NELL1: variants seen among roughly 807,000 people sequenced by gnomAD.
The protein encoded by NELL1 is protein kinase C-binding protein NELL1.
NELL1 carries 76 observed loss-of-function variants against 107.4 expected under a neutral mutation model. That is an observed-to-expected ratio of 0.71 (90% CI 0.59 to 0.86). The LOEUF is 0.86. NELL1 is among the 40% of genes least tolerant of loss of function. The pLI is 0.00. For synonymous variants in NELL1, 353 were observed against 341.2 expected, an observed-to-expected ratio of 1.03 and a Z score of -0.38; for missense variants, 1,024 against 1,005.5, an observed-to-expected ratio of 1.02 and a Z score of -0.25.
At chr11:20,815,686 T>C (rs1857609229) in intron 3 of NELL1, among the ~76,000 whole-genome samples, 2 of 152,326 alleles carry the variant, frequency 1.3e-5, no homozygotes, top group African/African-American at 4.8e-5. Context: ...TTTTTGTTTT[T>C]GTTACAATTG....
chr11:20,709,129 G>A (rs188933456), intron 2 of NELL1, among the ~76,000 whole-genome samples: 2 of 152,130 alleles, frequency 1.3e-5, no homozygotes, highest in East Asian at 1.9e-4. Context: ...CCCTTGTCTC[G>A]AAGAGTTTTT....
At chr11:21,110,099 T>A (rs910280299) in intron 12 of NELL1, among the ~76,000 whole-genome samples, 2 of 152,152 alleles carry the variant, frequency 1.3e-5, no homozygotes, top group African/African-American at 2.4e-5. Context: ...AGCTTTTATA[T>A]CTGGTGGTTA....
chr11:21,332,016 C>A (rs920608103), intron 14 of NELL1, among the ~76,000 whole-genome samples: 5 of 151,696 alleles, frequency 3.3e-5, no homozygotes, highest in African/African-American at 1.2e-4. Context: ...ATAGACTTTA[C>A]CCTAGGGCTC....
intron 15 of NELL1, among the ~76,000 whole-genome samples, chr11:21,508,046 A>T (rs9804568): frequency 1.3e-5 from 2 of 151,934 alleles, no homozygotes; most frequent in South Asian, 2.1e-4. Context: ...AGCCTCCCAA[A>T]GTGCTGGGAT....
intron 14 of NELL1, among the ~76,000 whole-genome samples, chr11:21,244,113 T>A (rs1157723437): frequency 6.6e-6 from 1 of 152,026 alleles, no homozygotes; most frequent in African/African-American, 2.4e-5. Context: ...CACCATAAAG[T>A]CAGATATTGA....
chr11:21,021,742 C>T (rs1157812452), intron 12 of NELL1, among the ~76,000 whole-genome samples: 1 of 152,014 alleles, frequency 6.6e-6, no homozygotes, highest in Non-Finnish European at 1.5e-5. Context: ...ATTAAACTAT[C>T]AAAATAATGT....
intron 14 of NELL1, among the ~76,000 whole-genome samples, chr11:21,298,581 T>C (rs1448082145): frequency 6.6e-6 from 1 of 151,962 alleles, no homozygotes; most frequent in East Asian, 1.9e-4. Context: ...CCCTCCTTAG[T>C]CAGCCTTCCT....
At chr11:21,294,891 A>G (rs991422161) in intron 14 of NELL1, among the ~76,000 whole-genome samples, 4 of 152,120 alleles carry the variant, frequency 2.6e-5, no homozygotes, top group Non-Finnish European at 5.9e-5. Flanking sequence ...AAGAAATGTA[A>G]AGAAAGCTCA....
intron 12 of NELL1, among the ~76,000 whole-genome samples, chr11:21,101,649 G>A (rs1441879913): frequency 6.6e-6 from 1 of 152,112 alleles, no homozygotes; most frequent in Non-Finnish European, 1.5e-5. Flanking sequence ...TTTGAGAAGT[G>A]TCTGTTCATA....
Position 21,337,568 on chromosome 11 carries a change from T to A in NELL1, c.1550-33285T>A, listed in dbSNP as rs193293909. On this transcript the variant is annotated intron_variant, in intron 14 of 19. Coordinates refer to ENST00000357134, the MANE Select transcript of NELL1 (RefSeq NM_006157.5). ...TCACTTCTGCTCATAGCCCATTGGCTAGAATTAGTCACATGGCCCAGGCCA... is the reference window on the plus strand; with the variant it reads ...TCACTTCTGCTCATAGCCCATTGGCAAGAATTAGTCACATGGCCCAGGCCA... 4.7e-3 allele frequency among the ~76,000 whole-genome samples: 718 copies of A among 152,336 alleles called. 3 individuals carry two copies. Among genetic ancestry groups the A allele is most frequent in the Non-Finnish European group, 7.5e-3 (513 of 68,030 alleles).
At chr11:20,894,809 A>C (rs879388736) in intron 5 of NELL1, among the ~76,000 whole-genome samples, 2 of 152,222 alleles carry the variant, frequency 1.3e-5, no homozygotes, top group African/African-American at 2.4e-5. Flanking sequence ...ATACACTAAA[A>C]GGCATGCACA....
intron 15 of NELL1, among the ~76,000 whole-genome samples, chr11:21,402,340 A>G (rs73473032): frequency 0.022 from 3,315 of 151,922 alleles, 81 homozygotes; most frequent in East Asian, 0.048. Flanking sequence ...TCTGTAGGAA[A>G]ACATTGAAGA....
intron 15 of NELL1, among the ~76,000 whole-genome samples, chr11:21,482,472 C>T (rs1406514408): frequency 6.6e-6 from 1 of 152,182 alleles, no homozygotes; most frequent in African/African-American, 2.4e-5. Flanking sequence ...CCCAGAATTA[C>T]ACATGTCGAC....
At chr11:21,081,817 T>C (rs1284421630) in intron 12 of NELL1, among the ~76,000 whole-genome samples, 1 of 152,144 alleles carries the variant, frequency 6.6e-6, no homozygotes, top group Non-Finnish European at 1.5e-5. Flanking sequence ...ATAAATTAAA[T>C]CATGTGAATA....
chr11:21,169,793 C>G (rs1031507369), intron 13 of NELL1: 1 of 1,353,138 alleles, frequency 7.4e-7, no homozygotes, highest in East Asian at 2.4e-5. Context: ...GCCGGGCACC[C>G]GGAGAGTGGG....
chr11:21,412,233 TA>T (rs1314907691), intron 15 of NELL1, among the ~76,000 whole-genome samples: 3 of 152,126 alleles, frequency 2.0e-5, no homozygotes, highest in Admixed American at 6.6e-5. Flanking sequence ...CTGTTAGAGA[TA>T]TTTTTTCCTG....
intron 16 of NELL1, among the ~76,000 whole-genome samples, chr11:21,542,971 ATCG>A (rs1225897569): frequency 6.6e-6 from 1 of 152,054 alleles, no homozygotes; most frequent in Non-Finnish European, 1.5e-5. Context: ...TTCATTCATA[ATCG>A]TCAAGAAGTA....
intron 15 of NELL1, among the ~76,000 whole-genome samples, chr11:21,464,505 A>G (rs1449138700): frequency 6.6e-6 from 1 of 152,094 alleles, no homozygotes; most frequent in Admixed American, 6.6e-5. Context: ...ACAAAATGAC[A>G]TTACTGAGTT....
intron 12 of NELL1, among the ~76,000 whole-genome samples, chr11:21,026,044 A>G (rs986467500): frequency 6.6e-5 from 10 of 152,138 alleles, no homozygotes; most frequent in Admixed American, 4.6e-4. Context: ...TATTGTCATC[A>G]TCTTGTTTAA....
Sources: gnomAD v4.1 joint callset for allele counts (sites outside exome capture counted in the v4.1 genomes callset) on GRCh38, gnomAD v4.1.1 for gene constraint, MANE v1.5 for transcripts, NCBI Gene and HGNC (gene_info 2026-07-23, HGNC 2026-07-21) for gene names.